Variants in HSPA9 observed in about 807,000 individuals in gnomAD.
The protein encoded by HSPA9 is heat shock protein family A (Hsp70) member 9, also known as stress-70 protein, mitochondrial.
A neutral mutation model predicts 81.5 loss-of-function variants in HSPA9; 28 were observed. The observed-to-expected ratio is 0.34, with a 90% CI of 0.25 to 0.47. The LOEUF is 0.47. Among genes scored for constraint, HSPA9 ranks in the 20% least tolerant of loss-of-function variants. The probability of loss-of-function intolerance (pLI) is 1.00; values close to 1 mark genes in which losing one functional copy is unlikely to be tolerated. For missense variants in HSPA9, 678 were observed against 838.0 expected (o/e 0.81, Z 2.36); for synonymous variants, 293 against 290.4 (o/e 1.01, Z -0.09).
At chr5:138,559,565 A>C (rs1318439565) in intron 11 of HSPA9, among the ~76,000 whole-genome samples, 1 of 152,212 alleles carries the variant, frequency 6.6e-6, no homozygotes, top group Non-Finnish European at 1.5e-5. Context: ...AGACTACAGG[A>C]AATTCAGTCT....
chr5:138,554,515 G>GTT lies in HSPA9; in HGVS notation c.*1520_*1521dup, dbSNP rs1750479800. ...AATCCCAAGAATCTTTTACATGGGT[G>GTT]TTAACAAGCACTGAATCTTCCAAAA... On this transcript the variant is annotated 3_prime_UTR_variant, in exon 17 of 17. Coordinates refer to ENST00000297185, the MANE Select transcript of HSPA9 (RefSeq NM_004134.7). 6.6e-6 allele frequency among the ~76,000 whole-genome samples: 1 copy of GTT among 152,228 alleles called. No homozygotes were observed. Among genetic ancestry groups the GTT allele is most frequent in the South Asian group, 2.1e-4 (1 of 4,834 alleles).
intron 10 of HSPA9, 28 bp from the exon 11 acceptor site, chr5:138,560,119 G>A (rs749250337): frequency 3.1e-5 from 48 of 1,568,008 alleles, no homozygotes; most frequent in South Asian, 2.1e-4. Flanking sequence ...AGAACCTGTC[G>A]GCCCACACTT....
At position 138,559,740 on chromosome 5, in the gene HSPA9, A is replaced by C; in HGVS notation, c.1410+124T>G. ...CTCACCACCCACAGTTAACTGTTTAATATTCTAAACTGTAAAACAGATAAA... is the reference window on the plus strand; with the variant it reads ...CTCACCACCCACAGTTAACTGTTTACTATTCTAAACTGTAAAACAGATAAA... On this transcript the variant is annotated intron_variant, in intron 11 of 16. Coordinates refer to ENST00000297185, the MANE Select transcript of HSPA9 (RefSeq NM_004134.7). 4.1e-6 allele frequency: 3 copies of C among 732,618 alleles called. No homozygotes were observed. In the South Asian group the frequency reaches 4.6e-5, roughly 11 times the overall value. The allele number at this position is 732,618 out of a possible 1,614,324, so 45.4% of individuals were successfully genotyped here. A position where few individuals can be genotyped will look rare whatever the true frequency, so the allele number is the denominator to read the frequency against.
At chr5:138,558,739 A>C (rs1750589302) in intron 11 of HSPA9, 82 bp from the exon 12 acceptor site, 1 of 861,172 alleles carries the variant, frequency 1.2e-6, no homozygotes, top group Admixed American at 1.8e-5. Flanking sequence ...CCAAAGGTTT[A>C]CATTCCAAGA....
Position 138,560,017 on chromosome 5 carries a change from A to G in HSPA9, c.1257T>C (p.Ile419=), listed in dbSNP as rs1163778653. The G allele has an allele frequency of 5.0e-6, 8 of 1,614,030 alleles. No homozygotes were observed. The Admixed American group carries it at 1.0e-4, about 20-fold the overall frequency. The change falls in exon 11 of 17, where the codon ATT becomes ATC. Residue 419 remains isoleucine, a synonymous_variant. Coordinates refer to ENST00000297185, the MANE Select transcript of HSPA9 (RefSeq NM_004134.7). ...KAVNPDEAVA[I]GAAIQGGVLA... is the part of the protein sequence containing the mutation. Reference sequence around the variant, plus strand: ...ACACACCTCCCTGAATGGCAGCTCCAATGGCCACAGCCTCATCAGGATTGA... The same window carrying G: ...ACACACCTCCCTGAATGGCAGCTCCGATGGCCACAGCCTCATCAGGATTGA...
At chr5:138,571,960 C>CTAATTT (rs548772033) in intron 3 of HSPA9, among the ~76,000 whole-genome samples, 1 of 100,456 alleles carries the variant, frequency 1.0e-5, no homozygotes, top group Admixed American at 1.3e-4. Flanking sequence ...CTGCGCCTGG[C>CTAATTT]TTTTTTTTTT....
At chr5:138,563,892 AT>A (rs1750708350) in intron 9 of HSPA9, among the ~76,000 whole-genome samples, 1 of 152,134 alleles carries the variant, frequency 6.6e-6, no homozygotes, top group African/African-American at 2.4e-5. Flanking sequence ...CTCTAGCCTC[AT>A]TTTCCATGCC....
At position 138,557,285 on chromosome 5, in the gene HSPA9, G is replaced by A; in HGVS notation, c.1728+117C>T. 3 of 759,884 alleles carry A rather than the reference G, an allele frequency of 3.9e-6. No individual in the cohort carries two copies. The East Asian group carries it at 8.0e-5, about 20-fold the overall frequency. The allele number at this position is 759,884 out of a possible 1,614,324, so 47.1% of individuals were successfully genotyped here. A position where few individuals can be genotyped will look rare whatever the true frequency, so the allele number is the denominator to read the frequency against. On this transcript the variant is annotated intron_variant, in intron 14 of 16. Transcript: ENST00000297185. ...CGGCTTCAAACGATCTGCCCACCTT[G>A]GCAGTGGGCTTACAGTGCTGGGATT... is the stretch of plus-strand genomic sequence containing the variant.
chr5:138,563,992 C>G (rs537507359), intron 9 of HSPA9, among the ~76,000 whole-genome samples: 45 of 152,378 alleles, frequency 3.0e-4, no homozygotes, highest in African/African-American at 1.1e-3. Flanking sequence ...ACTCTTAACC[C>G]ATTACACATG....
At chr5:138,557,165 T>A (rs1192228609) in intron 14 of HSPA9, 25 of 611,328 alleles carry the variant, frequency 4.1e-5, no homozygotes, top group Admixed American at 3.7e-4. Flanking sequence ...ACCCACAACC[T>A]ATGACATGTC....
chr5:138,571,167 G>C (rs767271285), intron 3 of HSPA9, 26 bp from the exon 4 acceptor site: 12 of 1,609,652 alleles, frequency 7.5e-6, no homozygotes, highest in Non-Finnish European at 9.3e-6. Context: ...GTGATAGAGA[G>C]TAAGTTTGTA....
At chr5:138,556,359 A>G in intron 16 of HSPA9, 93 bp downstream of exon 16, 3 of 1,439,772 alleles carry the variant, frequency 2.1e-6, no homozygotes, top group Non-Finnish European at 2.9e-6. Context: ...TCTAAATTCC[A>G]CAAATGGCTA....
intron 10 of HSPA9, chr5:138,561,212 A>G (rs1750652482): frequency 2.6e-6 from 1 of 382,984 alleles, no homozygotes; most frequent in Non-Finnish European, 5.3e-6. Context: ...CTCTGACCTC[A>G]AACTTTGTTT....
intron 4 of HSPA9, among the ~76,000 whole-genome samples, chr5:138,570,144 T>C (rs1580749347): frequency 6.6e-6 from 1 of 151,910 alleles, no homozygotes; most frequent in Non-Finnish European, 1.5e-5. Flanking sequence ...GGATTACAGG[T>C]GTGAGTCACC....
chr5:138,572,806 C>A (rs1295248716), intron 3 of HSPA9, among the ~76,000 whole-genome samples: 1 of 152,114 alleles, frequency 6.6e-6, no homozygotes, highest in African/African-American at 2.4e-5. Flanking sequence ...GTGGCCAACC[C>A]CCCAAAAAAC....
intron 4 of HSPA9, among the ~76,000 whole-genome samples, chr5:138,570,407 T>C (rs186508000): frequency 4.6e-5 from 7 of 152,292 alleles, no homozygotes; most frequent in Admixed American, 4.6e-4. Context: ...TATTCAACAC[T>C]GAACTATGTG....
rs1750498475 is a variant in HSPA9 at position 138,555,416 on chromosome 5, G to C, written c.*621C>G. ...ACAATCATCAAGGATGTAGGTGCCAGACACAGGGCAGAAGGTAGCTAGAAA... is the reference window on the plus strand; with the variant it reads ...ACAATCATCAAGGATGTAGGTGCCACACACAGGGCAGAAGGTAGCTAGAAA... On this transcript the variant is annotated 3_prime_UTR_variant, in exon 17 of 17. Transcript: ENST00000297185. 1.3e-5 allele frequency: 2 copies of C among 152,834 alleles called. No homozygotes were observed. Among genetic ancestry groups the C allele is most frequent in the East Asian group, 3.9e-4 (2 of 5,190 alleles). The allele number at this position is 152,834 out of a possible 1,614,324, so 9.5% of individuals were successfully genotyped here. A position where few individuals can be genotyped will look rare whatever the true frequency, so the allele number is the denominator to read the frequency against.
At chr5:138,573,117 T>A (rs1413930551) in intron 3 of HSPA9, among the ~76,000 whole-genome samples, 1 of 152,098 alleles carries the variant, frequency 6.6e-6, no homozygotes, top group Admixed American at 6.5e-5. Flanking sequence ...ATGGTCTCGA[T>A]CTCTTGACCT....
chr5:138,557,048 G>T, intron 14 of HSPA9, 182 bp from the exon 15 acceptor site: 1 of 649,994 alleles, frequency 1.5e-6, no homozygotes, highest in South Asian at 1.7e-5. Context: ...GCTAGATTTT[G>T]TAACATCAGA....
Sources: allele counts gnomAD v4.1 joint callset (sites outside exome capture counted in the v4.1 genomes callset), GRCh38; gene constraint gnomAD v4.1.1; transcripts MANE v1.5; gene names NCBI Gene and HGNC (gene_info 2026-07-23, HGNC 2026-07-21).